The following DIAPH1 variants were observed in gnomAD, a reference collection of about 807,000 sequenced individuals.
DIAPH1 encodes the protein diaphanous related formin 1, also known as protein diaphanous homolog 1.
In DIAPH1, 46 loss-of-function variants were observed where a neutral mutation model predicts 140.7. The observed-to-expected ratio is 0.33, with a 90% CI of 0.26 to 0.42. The LOEUF is 0.42. Ranked by LOEUF, DIAPH1 falls within the 10% of genes least tolerant of loss-of-function variation. The pLI is 1.00. For missense variants in DIAPH1, 1,310 were observed against 1,558.7 expected (o/e 0.84, Z 2.69); for synonymous variants, 565 against 551.6 (o/e 1.02, Z -0.34).
Position 141,576,747 on chromosome 5 carries a change from T to C in DIAPH1, c.1396+9A>G, listed in dbSNP as rs763317731. The C allele has an allele frequency of 6.4e-7, 1 of 1,555,568 alleles. No homozygotes were observed. The highest frequency in any genetic ancestry group is 8.9e-7 in the Non-Finnish European group (1 of 1,126,994). ...TACTTGGAGGAGCCAGATAGAAGAG[T>C]ATGCTTACCAATTAATCCCTCAATC... is the stretch of plus-strand genomic sequence containing the variant. On this transcript the variant is annotated intron_variant, in intron 13 of 27. Transcript: ENST00000389054.
chr5:141,586,921 T>C (rs1215815734), intron 3 of DIAPH1, 121 bp downstream of exon 3: 3 of 1,038,254 alleles, frequency 2.9e-6, no homozygotes. Flanking sequence ...TATTAAAAAG[T>C]TCCATGTTAA....
chr5:141,576,925 G>C, intron 12 of DIAPH1, 54 bp from the exon 13 acceptor site: 2 of 1,148,676 alleles, frequency 1.7e-6, no homozygotes, highest in Non-Finnish European at 2.6e-6. Context: ...ATAATTTTCA[G>C]AAGTATTCAG....
At chr5:141,567,167 C>G (rs1355624157) in intron 18 of DIAPH1, among the ~76,000 whole-genome samples, 1 of 151,950 alleles carries the variant, frequency 6.6e-6, no homozygotes, top group Non-Finnish European at 1.5e-5. Flanking sequence ...TGGTAAGTGA[C>G]ATAAACCAAG....
Position 141,573,707 on chromosome 5 carries a change from G to C in DIAPH1, c.2143C>G (p.Pro715Ala). Residue 715 changes from proline to alanine, a missense_variant, in exon 16 of 28, where the codon CCT becomes GCT. Around this residue, in one of 3 missense-constraint regions of DIAPH1, gnomAD observed 589 missense variants for 549.3 expected, o/e 1.07. Transcript: ENST00000389054. ...CCACCAGGAAGAGGGGGAGGAGGAG[G>C]TGGCATTCCTGCTTCTCCAGGCAAG... The part of the protein sequence containing the change: ...PPLPGEAGMP[P>A]PPPPLPGGPG... 4 of 1,595,202 alleles carry C rather than the reference G, an allele frequency of 2.5e-6. No individual in the cohort carries two copies. The highest frequency in any genetic ancestry group is 3.4e-6 in the Non-Finnish European group (4 of 1,168,390).
chr5:141,587,112 T>TC lies in DIAPH1; in HGVS notation c.229dup (p.Asp77GlyfsTer2). 6.2e-7 allele frequency: 1 copy of TC among 1,614,156 alleles called. No homozygotes were observed. The highest frequency in any genetic ancestry group is 8.5e-7 in the Non-Finnish European group (1 of 1,180,006). On this transcript the variant is annotated frameshift_variant, in exon 3 of 28. Transcript: ENST00000389054. LOFTEE classifies it high-confidence loss of function. Reference sequence around the variant, plus strand: ...TTGCAATGACTGTGCTGTGGGATCATCCCCATATGATGCAGAAGAATTTCT... The same window carrying TC: ...TTGCAATGACTGTGCTGTGGGATCATCCCCCATATGATGCAGAAGAATTTCT...
At chr5:141,524,435 T>C in intron 26 of DIAPH1, 1 of 623,518 alleles carries the variant, frequency 1.6e-6, no homozygotes, top group Non-Finnish European at 2.9e-6. Context: ...AAACAAAAGA[T>C]CTCATTGCCT....
rs374210300 is a variant in DIAPH1, at chr5:141,539,430, G to GTT, written c.2483-4999_2483-4998dup. Among the ~76,000 whole-genome samples the GTT allele has an allele frequency of 3.5e-3, 455 of 131,526 alleles. 1 individual carries two copies. The highest frequency in any genetic ancestry group is 5.4e-3 in the African/African-American group (197 of 36,334). 86.3% of individuals were successfully genotyped at this position (131,526 alleles called of 152,430 possible). ...TTTGGGTAGTTTTGTTTTTTTTTTTGTTTTTTTTTTTTGGTATTTTTAGTA... is the reference window on the plus strand; with the variant it reads ...TTTGGGTAGTTTTGTTTTTTTTTTTGTTTTTTTTTTTTTTGGTATTTTTAGTA... On this transcript the variant is annotated intron_variant, in intron 18 of 27. Coordinates refer to ENST00000389054, the MANE Select transcript of DIAPH1 (RefSeq NM_005219.5).
rs1596393434 is a variant in DIAPH1 at position 141,588,222 on chromosome 5, A to C, written c.144+2T>G. ...TGCACATGCTAAACAAAATGTCCTT[A>C]CCTCATCTGCCATGAGCCGCTTCAG... is the stretch of plus-strand genomic sequence containing the variant. On this transcript the variant is annotated splice_donor_variant, in intron 2 of 27. Transcript: ENST00000389054. LOFTEE classifies it high-confidence loss of function. 3 of 1,611,382 alleles carry C rather than the reference A, an allele frequency of 1.9e-6. No homozygotes were observed. The highest frequency in any genetic ancestry group is 1.1e-5 in the South Asian group (1 of 90,976).
chr5:141,568,403 C>T (rs1472413171), intron 18 of DIAPH1, among the ~76,000 whole-genome samples: 1 of 152,002 alleles, frequency 6.6e-6, no homozygotes, highest in Admixed American at 6.6e-5. Context: ...TGAAAAAGGA[C>T]CAGAAGTTTT....
intron 16 of DIAPH1, among the ~76,000 whole-genome samples, chr5:141,572,802 A>T (rs1324890335): frequency 6.6e-6 from 1 of 151,544 alleles, no homozygotes; most frequent in Non-Finnish European, 1.5e-5. Flanking sequence ...TGTAACTCAC[A>T]TCCTGCGGAA....
At chr5:141,523,326 C>A (rs1383779363) in intron 27 of DIAPH1, among the ~76,000 whole-genome samples, 1 of 152,222 alleles carries the variant, frequency 6.6e-6, no homozygotes, top group East Asian at 1.9e-4. Flanking sequence ...AAGACCTTCA[C>A]TAGACACGAT....
chr5:141,533,997 C>T (rs2099888642), intron 19 of DIAPH1, among the ~76,000 whole-genome samples: 1 of 148,264 alleles, frequency 6.7e-6, no homozygotes, highest in Admixed American at 6.8e-5. Context: ...CATTATTACA[C>T]CCCAGCATGG....
rs916565591 is a variant in DIAPH1, at chr5:141,572,037, C to G, written c.2362G>C (p.Val788Leu). 1 of 1,608,700 alleles carries G rather than the reference C, an allele frequency of 6.2e-7. No homozygotes were observed. Among genetic ancestry groups the G allele is most frequent in the Non-Finnish European group, 8.5e-7 (1 of 1,175,138 alleles). ...QLRRPNWSKL[V>L]AEDLSQDCFW... is the part of the protein sequence containing the mutation. Reference sequence around the variant, plus strand: ...CAGTCCTGGGAGAGGTCCTCAGCCACAAGCTGTGGATAAAGGCAGGGTGTT... The same window carrying G: ...CAGTCCTGGGAGAGGTCCTCAGCCAGAAGCTGTGGATAAAGGCAGGGTGTT... The change falls in exon 17 of 28, where the codon GTG becomes CTG. Residue 788 changes from valine to leucine, a missense_variant. Coordinates refer to ENST00000389054, the MANE Select transcript of DIAPH1 (RefSeq NM_005219.5).
intron 18 of DIAPH1, among the ~76,000 whole-genome samples, chr5:141,535,869 C>A (rs559625446): frequency 9.2e-5 from 14 of 152,204 alleles, no homozygotes; most frequent in Non-Finnish European, 1.3e-4. Context: ...TTGAACACGA[C>A]AGTGGGAGGA....
chr5:141,597,110 C>T (rs1332692569), intron 1 of DIAPH1, among the ~76,000 whole-genome samples: 1 of 151,970 alleles, frequency 6.6e-6, no homozygotes, highest in African/African-American at 2.4e-5. Context: ...TAGGAGAAAA[C>T]ATAAAATAGA....
chr5:141,592,481 A>G (rs925287827), intron 1 of DIAPH1, among the ~76,000 whole-genome samples: 2 of 132,138 alleles, frequency 1.5e-5, no homozygotes, highest in Non-Finnish European at 3.1e-5. Flanking sequence ...CTAGATCATG[A>G]CAAGTTAACA....
Position 141,573,858 on chromosome 5 carries a change from A to G in DIAPH1, c.1992T>C (p.Pro664=). The stretch of plus-strand genomic sequence containing the variant: ...TACCTCCAGGCAAAGAAGAGGGTGA[A>G]GGGATGCCAACACCCTCAGGCAAAG... The part of the protein sequence containing the change: ...PPPLPEGVGI[P]SPSSLPGGTA... Residue 664 remains proline (P), a synonymous_variant, in exon 16 of 28, where the codon CCT becomes CCC. Transcript: ENST00000389054. The G allele has an allele frequency of 1.3e-6, 2 of 1,528,946 alleles. No homozygotes were observed. Among genetic ancestry groups the G allele is most frequent in the Non-Finnish European group, 1.8e-6 (2 of 1,136,824 alleles). The allele number at this position is 1,528,946 out of a possible 1,614,324, so 94.7% of individuals were successfully genotyped here. A position where few individuals can be genotyped will look rare whatever the true frequency, so the allele number is the denominator to read the frequency against.
At chr5:141,520,672 T>TTTCTTTATAATA (rs1379950086) in intron 27 of DIAPH1, among the ~76,000 whole-genome samples, 6 of 152,156 alleles carry the variant, frequency 3.9e-5, no homozygotes, top group African/African-American at 1.4e-4. Context: ...TAATACAAAA[T>TTTCTTTATAATA]AGACTAACAC....
chr5:141,577,354 A>G (rs1373395074), intron 12 of DIAPH1, 121 bp downstream of exon 12: 4 of 796,518 alleles, frequency 5.0e-6, no homozygotes, highest in African/African-American at 3.4e-5. Context: ...GTGACTAATG[A>G]ACCCTAATCT....
Sources: allele counts gnomAD v4.1 joint callset (sites outside exome capture counted in the v4.1 genomes callset), GRCh38; gene constraint gnomAD v4.1.1; regional missense constraint gnomAD v4.1.1; transcripts MANE v1.5; gene names NCBI Gene and HGNC (gene_info 2026-07-23, HGNC 2026-07-21).